The following ANXA8 variants were observed in gnomAD, a reference collection of about 807,000 sequenced individuals.
The protein encoded by ANXA8 is VAC-beta.
ANXA8 carries 9 observed loss-of-function variants against 26.8 expected under a neutral mutation model. The ratio of observed to expected loss-of-function variants is 0.34; its 90% confidence interval spans 0.20 to 0.59. ANXA8 has a LOEUF of 0.59. Ranked by LOEUF, ANXA8 falls within the 20% of genes least tolerant of loss-of-function variation. The probability of loss-of-function intolerance (pLI) is 0.84; values close to 1 mark genes in which losing one functional copy is unlikely to be tolerated. For missense variants in ANXA8, 83 were observed against 238.5 expected (o/e 0.35, Z 4.29); for synonymous variants, 39 against 94.8 (o/e 0.41, Z 3.42).
At chr10:47,695,194 A>G in the ANXA8 span, among the ~76,000 whole-genome samples, 4 of 151,458 alleles carry the variant, frequency 2.6e-5, no homozygotes, top group Non-Finnish European at 5.9e-5. Flanking sequence ...GTTTTTTAGT[A>G]AGTCACCTGA....
the ANXA8 span, among the ~76,000 whole-genome samples, chr10:47,743,397 TGTGTGTGTGA>T: frequency 9.1e-6 from 1 of 110,054 alleles, no homozygotes; most frequent in African/African-American, 3.5e-5. Flanking sequence ...TGTGTGTGTG[TGTGTGTGTGA>T]GAGAGAGAGA....
chr10:47,519,541 T>A, the ANXA8 span, among the ~76,000 whole-genome samples: 1 of 100,738 alleles, frequency 9.9e-6, no homozygotes, highest in African/African-American at 4.0e-5. Context: ...ACCACCTGCT[T>A]CCCCTTTGCC....
chr10:47,976,569 AC>A, the ANXA8 span, among the ~76,000 whole-genome samples: 1 of 146,980 alleles, frequency 6.8e-6, no homozygotes, highest in African/African-American at 2.5e-5. Flanking sequence ...ACACACACAC[AC>A]ACAATTAACA....
chr10:47,626,670 C>A, the ANXA8 span, among the ~76,000 whole-genome samples: 1 of 150,250 alleles, frequency 6.7e-6, no homozygotes, highest in Non-Finnish European at 1.5e-5. Flanking sequence ...GTAAAAGTGG[C>A]ATCTGGTTCC....
the ANXA8 span, among the ~76,000 whole-genome samples, chr10:47,658,465 T>C: frequency 6.7e-6 from 1 of 149,648 alleles, no homozygotes; most frequent in Non-Finnish European, 1.5e-5. Flanking sequence ...TTGGTTTTCA[T>C]AGCAATCAAC....
chr10:47,557,570 G>C, the ANXA8 span, among the ~76,000 whole-genome samples: 1 of 150,824 alleles, frequency 6.6e-6, no homozygotes, highest in Non-Finnish European at 1.5e-5. Context: ...TGAATATTAA[G>C]AGTTGTTCTG....
At chr10:47,655,623 T>C in the ANXA8 span, among the ~76,000 whole-genome samples, 1 of 151,932 alleles carries the variant, frequency 6.6e-6, no homozygotes. Flanking sequence ...GGAGGAGCAG[T>C]TGCTGGGTAT....
chr10:47,944,556 G>A, the ANXA8 span, among the ~76,000 whole-genome samples: 1 of 150,706 alleles, frequency 6.6e-6, no homozygotes, highest in African/African-American at 2.5e-5. Flanking sequence ...GTCGTGGGAG[G>A]GGCCTGGTGG....
the ANXA8 span, among the ~76,000 whole-genome samples, chr10:47,663,540 C>A: frequency 1.5e-5 from 2 of 131,816 alleles, no homozygotes; most frequent in Non-Finnish European, 3.1e-5. Flanking sequence ...TGCATGCCAC[C>A]ATGCCCAGCT....
chr10:47,944,693 T>C, the ANXA8 span, among the ~76,000 whole-genome samples: 1 of 150,630 alleles, frequency 6.6e-6, no homozygotes, highest in Non-Finnish European at 1.5e-5. Context: ...CCTGCCACCA[T>C]GTAGGATGTG....
chr10:47,618,661 C>A, the ANXA8 span, among the ~76,000 whole-genome samples: 2 of 113,726 alleles, frequency 1.8e-5, no homozygotes, highest in Non-Finnish European at 3.9e-5. Flanking sequence ...TTATTTTGGT[C>A]CATACTTATT....
At chr10:47,743,259 T>TATATATAC in the ANXA8 span, among the ~76,000 whole-genome samples, 1 of 127,556 alleles carries the variant, frequency 7.8e-6, no homozygotes, top group Non-Finnish European at 1.6e-5. Flanking sequence ...TATATATATA[T>TATATATAC]ATATACATAT....
chr10:47,694,652 C>T, the ANXA8 span, among the ~76,000 whole-genome samples: 3 of 151,818 alleles, frequency 2.0e-5, no homozygotes, highest in African/African-American at 7.3e-5. Context: ...AACTCCTGAC[C>T]TTGTGATCTG....
the ANXA8 span, among the ~76,000 whole-genome samples, chr10:47,931,404 T>G: frequency 2.8e-5 from 3 of 108,862 alleles, no homozygotes; most frequent in African/African-American, 7.5e-5. Context: ...GGAGGGAGAG[T>G]CAATCTGAAG....
the ANXA8 span, chr10:47,582,166 T>C: frequency 6.6e-6 from 1 of 152,052 alleles, no homozygotes; most frequent in African/African-American, 2.6e-5. Context: ...CTCTCTGGTG[T>C]TCCCCTGGAC....
At chr10:47,589,785 A>G in the ANXA8 span, among the ~76,000 whole-genome samples, 1 of 145,038 alleles carries the variant, frequency 6.9e-6, no homozygotes, top group Non-Finnish European at 1.5e-5. Flanking sequence ...CCTTGGTTCT[A>G]CCTTTTCAGA....
chr10:47,646,338 CT>C, the ANXA8 span, among the ~76,000 whole-genome samples: 15 of 140,842 alleles, frequency 1.1e-4, no homozygotes, highest in South Asian at 2.2e-3. Flanking sequence ...AGCTACTCTC[CT>C]CAAGCTGAAT....
the ANXA8 span, among the ~76,000 whole-genome samples, chr10:47,525,841 G>C: frequency 1.6e-4 from 12 of 75,318 alleles, 1 homozygote; most frequent in African/African-American, 6.5e-4. Context: ...TTTCGTTCTT[G>C]TTGCCCAGGC....
the ANXA8 span, among the ~76,000 whole-genome samples, chr10:47,644,675 A>G: frequency 6.6e-6 from 1 of 151,700 alleles, no homozygotes; most frequent in Non-Finnish European, 1.5e-5. Context: ...GGTCTTTCCT[A>G]TTTAGTTTTA....
Sources: allele counts gnomAD v4.1 joint callset (sites outside exome capture counted in the v4.1 genomes callset), GRCh38; gene constraint gnomAD v4.1.1; transcripts MANE v1.5; gene names NCBI Gene and HGNC (gene_info 2026-07-23, HGNC 2026-07-21).